SYNPO2: variants seen among roughly 807,000 people sequenced by gnomAD.
SYNPO2 encodes the protein synaptopodin-2.
Under a neutral mutation model 85.0 loss-of-function variants are expected in SYNPO2, and 56 were observed. The observed-to-expected ratio is 0.66, with a 90% CI of 0.53 to 0.82. The LOEUF is 0.82. Ranked by LOEUF, SYNPO2 falls within the 40% of genes least tolerant of loss-of-function variation. The probability of loss-of-function intolerance (pLI) is 0.00; values close to 1 mark genes in which losing one functional copy is unlikely to be tolerated. For synonymous variants in SYNPO2, 602 were observed against 591.1 expected (o/e 1.02, Z -0.27); for missense variants, 1,575 against 1,534.2 (o/e 1.03, Z -0.44).
At chr4:119,037,679 G>A (rs1738573355) in intron 4 of SYNPO2, 2 of 972,896 alleles carry the variant, frequency 2.1e-6, no homozygotes, top group South Asian at 9.5e-5. Context: ...CTATATGCAG[G>A]AACTGTGTTA....
At chr4:119,019,279 C>T (rs1225465384) in intron 1 of SYNPO2, among the ~76,000 whole-genome samples, 2 of 152,128 alleles carry the variant, frequency 1.3e-5, no homozygotes, top group East Asian at 3.9e-4. Flanking sequence ...TTGGTAACTA[C>T]TGACATTACC....
intron 1 of SYNPO2, among the ~76,000 whole-genome samples, chr4:118,916,057 C>T (rs1475468612): frequency 6.6e-6 from 1 of 151,796 alleles, no homozygotes; most frequent in Admixed American, 6.6e-5. Flanking sequence ...TCATATTACG[C>T]TTTGTTCATT....
chr4:118,873,859 T>C (rs1731848901), intron 1 of SYNPO2, among the ~76,000 whole-genome samples: 2 of 152,198 alleles, frequency 1.3e-5, no homozygotes, highest in African/African-American at 4.8e-5. Context: ...GATTTTCGTA[T>C]ATGGTAAGAG....
chr4:118,988,958 G>A (rs1358097506), intron 1 of SYNPO2, among the ~76,000 whole-genome samples: 1 of 152,138 alleles, frequency 6.6e-6, no homozygotes, highest in Non-Finnish European at 1.5e-5. Flanking sequence ...GGTACTTATG[G>A]TGACCAAGCA....
intron 1 of SYNPO2, among the ~76,000 whole-genome samples, chr4:118,900,703 C>CTCTCTCTCTCTATATATATA (rs1277981772): frequency 3.4e-4 from 15 of 43,884 alleles, no homozygotes; most frequent in South Asian, 9.6e-4. Context: ...CTCTCTCTCT[C>CTCTCTCTCTCTATATATATA]TATATATATA....
chr4:118,994,268 C>G (rs1560956269), intron 1 of SYNPO2, among the ~76,000 whole-genome samples: 1 of 152,234 alleles, frequency 6.6e-6, no homozygotes, highest in African/African-American at 2.4e-5. Context: ...ATCACAAAAT[C>G]TATAAACACA....
intron 4 of SYNPO2, among the ~76,000 whole-genome samples, chr4:119,040,466 C>G (rs1250010070): frequency 1.3e-5 from 2 of 152,036 alleles, no homozygotes; most frequent in East Asian, 3.9e-4. Flanking sequence ...GCTTTGTGTT[C>G]ATCTATTGTG....
intron 1 of SYNPO2, among the ~76,000 whole-genome samples, chr4:118,915,986 T>C (rs1733304196): frequency 6.6e-6 from 1 of 152,194 alleles, no homozygotes; most frequent in African/African-American, 2.4e-5. Context: ...GTGTGTTCTT[T>C]AGAACATTTT....
intron 1 of SYNPO2, among the ~76,000 whole-genome samples, chr4:118,990,087 C>CT: frequency 6.6e-6 from 1 of 152,130 alleles, no homozygotes; most frequent in Non-Finnish European, 1.5e-5. Context: ...ATGGGGCTGG[C>CT]TTTGCATACA....
chr4:118,885,834 TACA>T (rs1349163768), upstream of SYNPO2, among the ~76,000 whole-genome samples: 1 of 152,138 alleles, frequency 6.6e-6, no homozygotes, highest in African/African-American at 2.4e-5. Flanking sequence ...CATCAGGGAA[TACA>T]TAAGACCTGG....
intron 1 of SYNPO2, among the ~76,000 whole-genome samples, chr4:118,855,830 A>G (rs1057188425): frequency 1.2e-4 from 19 of 152,128 alleles, no homozygotes; most frequent in Non-Finnish European, 2.6e-4. Context: ...AGCCCCCCAG[A>G]CTTACAACTT....
At chr4:118,939,192 A>G (rs1488394332) in intron 1 of SYNPO2, among the ~76,000 whole-genome samples, 1 of 152,246 alleles carries the variant, frequency 6.6e-6, no homozygotes, top group East Asian at 1.9e-4. Context: ...AGTGTCTGGC[A>G]TAGAGAAATG....
At chr4:118,972,800 T>C (rs1449037107) in intron 1 of SYNPO2, among the ~76,000 whole-genome samples, 1 of 152,234 alleles carries the variant, frequency 6.6e-6, no homozygotes, top group Non-Finnish European at 1.5e-5. Flanking sequence ...CTCCTCAAAG[T>C]TCAGTTTACT....
intron 1 of SYNPO2, among the ~76,000 whole-genome samples, chr4:118,979,977 A>G (rs1346717047): frequency 6.6e-6 from 1 of 152,216 alleles, no homozygotes; most frequent in Non-Finnish European, 1.5e-5. Flanking sequence ...ACCATCACTC[A>G]TCCACACTTG....
chr4:119,017,321 A>G (rs1387046435), intron 1 of SYNPO2, among the ~76,000 whole-genome samples: 1 of 152,186 alleles, frequency 6.6e-6, no homozygotes, highest in Non-Finnish European at 1.5e-5. Flanking sequence ...GATCTTAGCT[A>G]CTATCATCTT....
chr4:118,915,267 A>G (rs1733277608), intron 1 of SYNPO2, among the ~76,000 whole-genome samples: 1 of 152,132 alleles, frequency 6.6e-6, no homozygotes, highest in Non-Finnish European at 1.5e-5. Context: ...GTCTGACATT[A>G]ACGACCTCAA....
chr4:118,864,571 T>C (rs559354511), intron 1 of SYNPO2, among the ~76,000 whole-genome samples: 1 of 152,346 alleles, frequency 6.6e-6, no homozygotes, highest in Non-Finnish European at 1.5e-5. Flanking sequence ...TATTTCGATC[T>C]GTCTGTCTCG....
chr4:119,044,374 C>T (rs1738812930), intron 4 of SYNPO2, among the ~76,000 whole-genome samples: 1 of 152,106 alleles, frequency 6.6e-6, no homozygotes, highest in Admixed American at 6.5e-5. Flanking sequence ...GTGTAAATTC[C>T]CTCAAACAGG....
At chr4:118,886,405 A>T (rs1236473924), upstream of SYNPO2, among the ~76,000 whole-genome samples, 1 of 151,644 alleles carries the variant, frequency 6.6e-6, no homozygotes, top group Non-Finnish European at 1.5e-5. Flanking sequence ...CTCCCTTTGT[A>T]CCCCACCCTC....
Sources: gnomAD v4.1 joint callset for allele counts (sites outside exome capture counted in the v4.1 genomes callset) on GRCh38, gnomAD v4.1.1 for gene constraint, MANE v1.5 for transcripts, NCBI Gene and HGNC (gene_info 2026-07-23, HGNC 2026-07-21) for gene names.